Variants in DISC1 observed in about 807,000 individuals in gnomAD.
DISC1 encodes the protein DISC1 scaffold protein, also known as disrupted in schizophrenia 1 protein.
DISC1 carries 57 observed loss-of-function variants against 84.5 expected under a neutral mutation model. That is an observed-to-expected ratio of 0.67 (90% CI 0.55 to 0.84). The LOEUF (loss-of-function observed/expected upper bound fraction) is 0.84. Ranked by LOEUF, DISC1 falls within the 40% of genes least tolerant of loss-of-function variation. DISC1 has a pLI of 0.00. For synonymous variants in DISC1, 411 were observed against 415.2 expected (o/e 0.99, Z 0.12); for missense variants, 1,000 against 1,057.8 (o/e 0.95, Z 0.76).
intron 9 of DISC1, among the ~76,000 whole-genome samples, chr1:231,926,779 C>T (rs1462244161): frequency 6.6e-6 from 1 of 152,184 alleles, no homozygotes; most frequent in Non-Finnish European, 1.5e-5. Context: ...ATTTATTCCT[C>T]CACTAAATCT....
At chr1:231,765,215 A>AAAAAC (rs2076080909) in intron 4 of DISC1, among the ~76,000 whole-genome samples, 1 of 151,008 alleles carries the variant, frequency 6.6e-6, no homozygotes. Context: ...AAAAAAAAAA[A>AAAAAC]AAAACTTTGG....
chr1:231,718,201 G>A (rs1232612597), intron 3 of DISC1, among the ~76,000 whole-genome samples: 1 of 152,082 alleles, frequency 6.6e-6, no homozygotes, highest in Non-Finnish European at 1.5e-5. Context: ...CCCCTCCAAA[G>A]CATCCTTCGA....
intron 9 of DISC1, among the ~76,000 whole-genome samples, chr1:231,860,991 G>T (rs116351200): frequency 6.6e-6 from 1 of 152,066 alleles, no homozygotes; most frequent in Non-Finnish European, 1.5e-5. Flanking sequence ...ATTTTTTTCC[G>T]CAAGGGCACT....
At chr1:231,995,034 G>A (rs1269803534) in intron 10 of DISC1, among the ~76,000 whole-genome samples, 1 of 152,138 alleles carries the variant, frequency 6.6e-6, no homozygotes, top group Non-Finnish European at 1.5e-5. Flanking sequence ...TTCATATTAT[G>A]AAATGGCATT....
chr1:231,937,504 T>C (rs552552827), intron 9 of DISC1, among the ~76,000 whole-genome samples: 5 of 152,356 alleles, frequency 3.3e-5, no homozygotes, highest in Non-Finnish European at 5.9e-5. Flanking sequence ...AGGGACAGCA[T>C]GCATGTGGGA....
intron 6 of DISC1, among the ~76,000 whole-genome samples, chr1:231,780,252 G>GAAAAAAATAAAAAAAAAAAAAAAAAAAA (rs34768925): frequency 8.3e-6 from 1 of 120,236 alleles, no homozygotes; most frequent in Non-Finnish European, 1.7e-5. Context: ...AAAAAAAAAA[G>GAAAAAAATAAAAAAAAAAAAAAAAAAAA]AAAAGGAAAG....
rs5781664 is a variant in DISC1, at chr1:231,683,425, A to ATT, written c.68-10384_68-10383dup. On this transcript the variant is annotated intron_variant, in intron 1 of 12. Coordinates refer to ENST00000439617, the MANE Select transcript of DISC1 (RefSeq NM_018662.3). The stretch of plus-strand genomic sequence containing the variant: ...AGAATTTTTAAAAGATACCACCATG[A>ATT]TTTTTTTTTTTTTTTTTTGAGACAG... Among the ~76,000 whole-genome samples, 28 of 133,838 alleles carry ATT rather than the reference A, an allele frequency of 2.1e-4. No individual in the cohort carries two copies. The South Asian group carries it at 3.7e-3, about 18-fold the overall frequency. 87.8% of individuals were successfully genotyped at this position (133,838 alleles called of 152,430 possible).
chr1:231,937,416 C>T (rs527439523), intron 9 of DISC1, among the ~76,000 whole-genome samples: 1 of 152,156 alleles, frequency 6.6e-6, no homozygotes, highest in Non-Finnish European at 1.5e-5. Context: ...TCAGGGGGAT[C>T]GATCTCAGGG....
intron 6 of DISC1, among the ~76,000 whole-genome samples, chr1:231,787,795 A>T (rs1310427815): frequency 1.3e-5 from 2 of 152,232 alleles, no homozygotes; most frequent in African/African-American, 4.8e-5. Flanking sequence ...GCAGGCTCCC[A>T]GATGAGACCA....
Position 232,020,739 on chromosome 1 carries a change from G to T in DISC1, c.2308-5696G>T, listed in dbSNP as rs1668883523. Among the ~76,000 whole-genome samples the T allele has an allele frequency of 2.0e-5, 3 of 152,246 alleles. No homozygotes were observed. The South Asian group carries it at 6.2e-4, about 32-fold the overall frequency. On this transcript the variant is annotated intron_variant, in intron 11 of 12. Coordinates refer to ENST00000439617, the MANE Select transcript of DISC1 (RefSeq NM_018662.3). Reference sequence around the variant, plus strand: ...AAAAAAAGTTTCTTTTATTTTAAAAGAAGCAAACAAACTCTCTTCAACAGC... The same window carrying T: ...AAAAAAAGTTTCTTTTATTTTAAAATAAGCAAACAAACTCTCTTCAACAGC...
chr1:231,758,936 C>T (rs187585107), intron 4 of DISC1, among the ~76,000 whole-genome samples: 159 of 152,280 alleles, frequency 1.0e-3, no homozygotes, highest in African/African-American at 3.6e-3. Context: ...TGCATGCGCA[C>T]ACAAAATGTC....
intron 9 of DISC1, among the ~76,000 whole-genome samples, chr1:231,860,976 CATCA>C (rs1157373106): frequency 6.6e-6 from 1 of 152,210 alleles, no homozygotes; most frequent in East Asian, 1.9e-4. Flanking sequence ...TTCTGTCCCT[CATCA>C]ATTTTTTTCC....
At chr1:231,949,680 T>C (rs919109646) in intron 9 of DISC1, among the ~76,000 whole-genome samples, 1 of 152,124 alleles carries the variant, frequency 6.6e-6, no homozygotes, top group African/African-American at 2.4e-5. Flanking sequence ...ACAAACTACG[T>C]CTTCCTGCTA....
intron 1 of DISC1, among the ~76,000 whole-genome samples, chr1:231,681,984 G>A (rs2063744974): frequency 6.6e-6 from 1 of 152,188 alleles, no homozygotes; most frequent in Non-Finnish European, 1.5e-5. Flanking sequence ...ACAGGCATGA[G>A]CCACTGTGCC....
At chr1:231,806,430 G>A (rs376893889) in intron 8 of DISC1, among the ~76,000 whole-genome samples, 3 of 152,294 alleles carry the variant, frequency 2.0e-5, no homozygotes, top group South Asian at 4.1e-4. Flanking sequence ...TTGGTTTTCA[G>A]CTCCGAGTTC....
At chr1:231,699,498 T>C (rs1394512912) in intron 2 of DISC1, among the ~76,000 whole-genome samples, 2 of 152,166 alleles carry the variant, frequency 1.3e-5, no homozygotes, top group Non-Finnish European at 2.9e-5. Context: ...AGACCCCACC[T>C]GTGATGTATT....
intron 7 of DISC1, among the ~76,000 whole-genome samples, chr1:231,796,928 G>A (rs1046082887): frequency 2.6e-5 from 4 of 152,102 alleles, no homozygotes; most frequent in African/African-American, 9.7e-5. Context: ...GGTTGCCCAG[G>A]CTGGTCTTGA....
At chr1:231,731,926 C>G (rs2071571551) in intron 3 of DISC1, among the ~76,000 whole-genome samples, 3 of 152,350 alleles carry the variant, frequency 2.0e-5, no homozygotes, top group Non-Finnish European at 2.9e-5. Context: ...GTTTCACTGT[C>G]TCTTTCACTG....
chr1:231,843,402 A>G (rs1370329172), intron 9 of DISC1, among the ~76,000 whole-genome samples: 2 of 152,130 alleles, frequency 1.3e-5, no homozygotes, highest in Admixed American at 6.5e-5. Context: ...TAAGAGCAAT[A>G]GGAGGCACTT....
Sources: gnomAD v4.1 joint callset for allele counts (sites outside exome capture counted in the v4.1 genomes callset) on GRCh38, gnomAD v4.1.1 for gene constraint, MANE v1.5 for transcripts, NCBI Gene and HGNC (gene_info 2026-07-23, HGNC 2026-07-21) for gene names.